PDE4B: variants seen among roughly 807,000 people sequenced by gnomAD.
The protein encoded by PDE4B is phosphodiesterase 4B, also known as 3',5'-cyclic-AMP phosphodiesterase 4B.
In PDE4B, 20 loss-of-function variants were observed where a neutral mutation model predicts 82.2. The ratio of observed to expected loss-of-function variants is 0.24; its 90% confidence interval spans 0.17 to 0.35. The LOEUF is 0.35. Ranked by LOEUF, PDE4B falls within the 10% of genes least tolerant of loss-of-function variation. The pLI is 1.00. For missense variants in PDE4B, 655 were observed against 907.2 expected (o/e 0.72, Z 3.57); for synonymous variants, 320 against 318.9 (o/e 1.00, Z -0.04).
At chr1:65,879,500 G>A (rs1331232781) in intron 1 of PDE4B, among the ~76,000 whole-genome samples, 3 of 152,230 alleles carry the variant, frequency 2.0e-5, no homozygotes, top group Middle Eastern at 3.4e-3. Context: ...TGTATAAAAT[G>A]TATTATAGAA....
At chr1:66,175,565 T>C (rs1476589830) in intron 3 of PDE4B, among the ~76,000 whole-genome samples, 3 of 152,200 alleles carry the variant, frequency 2.0e-5, no homozygotes, top group Non-Finnish European at 4.4e-5. Context: ...TCAACAACTT[T>C]TTTATTTATA....
At chr1:65,913,596 A>G (rs568144986) in intron 2 of PDE4B, among the ~76,000 whole-genome samples, 1 of 152,186 alleles carries the variant, frequency 6.6e-6, no homozygotes, top group Non-Finnish European at 1.5e-5. Flanking sequence ...TCACAGAACC[A>G]CCAATCTCTA....
chr1:65,994,406 T>G (rs1315567448), intron 3 of PDE4B, among the ~76,000 whole-genome samples: 1 of 152,186 alleles, frequency 6.6e-6, no homozygotes, highest in African/African-American at 2.4e-5. Context: ...GCAGATTTTC[T>G]TTGGTCATCT....
intron 7 of PDE4B, among the ~76,000 whole-genome samples, chr1:66,299,438 G>A (rs1314695513): frequency 6.6e-6 from 1 of 152,062 alleles, no homozygotes; most frequent in African/African-American, 2.4e-5. Context: ...ATTATTATAT[G>A]CCATATTTCC....
intron 3 of PDE4B, among the ~76,000 whole-genome samples, chr1:66,020,737 C>T (rs1653054151): frequency 6.6e-6 from 1 of 152,136 alleles, no homozygotes; most frequent in South Asian, 2.1e-4. Flanking sequence ...TGGGTTGGTT[C>T]CAAGTCTTTG....
chr1:65,893,296 CAG>C (rs1646872364), intron 1 of PDE4B, among the ~76,000 whole-genome samples: 1 of 151,854 alleles, frequency 6.6e-6, no homozygotes, highest in South Asian at 2.1e-4. Flanking sequence ...TAAGAAAAAA[CAG>C]AGTTGGTGAG....
At chr1:65,815,787 C>G (rs958800609) in intron 1 of PDE4B, among the ~76,000 whole-genome samples, 2 of 152,108 alleles carry the variant, frequency 1.3e-5, no homozygotes, top group African/African-American at 2.4e-5. Context: ...CAATCCTACT[C>G]TCTTCAAAGA....
intron 3 of PDE4B, among the ~76,000 whole-genome samples, chr1:66,136,454 G>C (rs1462312219): frequency 3.3e-5 from 5 of 152,084 alleles, no homozygotes; most frequent in African/African-American, 1.2e-4. Flanking sequence ...TGTAATCCCA[G>C]TACTTTGTAC....
intron 3 of PDE4B, among the ~76,000 whole-genome samples, chr1:66,072,897 G>A (rs1191779241): frequency 1.3e-5 from 2 of 151,968 alleles, no homozygotes; most frequent in African/African-American, 4.8e-5. Context: ...CACCCCTAAT[G>A]CACATCTGTG....
chr1:66,308,299 A>G (rs1205811089), intron 7 of PDE4B, among the ~76,000 whole-genome samples: 1 of 152,194 alleles, frequency 6.6e-6, no homozygotes. Context: ...TATAGATGTC[A>G]AGGTGCAAGG....
chr1:66,000,037 GC>G (rs1324029486), intron 3 of PDE4B, among the ~76,000 whole-genome samples: 1 of 152,170 alleles, frequency 6.6e-6, no homozygotes, highest in African/African-American at 2.4e-5. Context: ...TCTCACTAGA[GC>G]CTAAATGCTT....
chr1:66,189,002 C>T (rs1033127221), intron 3 of PDE4B, among the ~76,000 whole-genome samples: 4 of 152,110 alleles, frequency 2.6e-5, no homozygotes, highest in Admixed American at 2.6e-4. Flanking sequence ...TTAGTGCTTC[C>T]TTCAGGAGCT....
At chr1:65,916,000 G>A (rs1302581088) in intron 2 of PDE4B, among the ~76,000 whole-genome samples, 1 of 152,120 alleles carries the variant, frequency 6.6e-6, no homozygotes, top group Non-Finnish European at 1.5e-5. Context: ...ATCAGTAATT[G>A]AGAATTGACT....
At chr1:66,057,676 G>T (rs1329551133) in intron 3 of PDE4B, among the ~76,000 whole-genome samples, 2 of 152,124 alleles carry the variant, frequency 1.3e-5, no homozygotes, top group Non-Finnish European at 2.9e-5. Flanking sequence ...CTTGTGCAGG[G>T]AAACTCCCAT....
At chr1:65,914,502 A>T (rs1569661604) in intron 2 of PDE4B, among the ~76,000 whole-genome samples, 1 of 143,790 alleles carries the variant, frequency 7.0e-6, no homozygotes. Context: ...TCTCTCCTGG[A>T]CCAGAAGGGC....
chr1:65,982,379 A>G (rs999210580), intron 3 of PDE4B, among the ~76,000 whole-genome samples: 7 of 152,316 alleles, frequency 4.6e-5, no homozygotes, highest in East Asian at 1.9e-4. Flanking sequence ...GACAGACTAC[A>G]TTGAAGAAGG....
chr1:66,227,413 A>C (rs1282542833), intron 3 of PDE4B, among the ~76,000 whole-genome samples: 3 of 152,244 alleles, frequency 2.0e-5, no homozygotes, highest in Admixed American at 6.5e-5. Context: ...TCAGGTTAAA[A>C]TATTATGTAC....
intron 3 of PDE4B, among the ~76,000 whole-genome samples, chr1:66,029,875 T>C (rs1364424929): frequency 6.6e-6 from 1 of 152,174 alleles, no homozygotes; most frequent in African/African-American, 2.4e-5. Flanking sequence ...CAATAAATGA[T>C]CTTTGCTAGA....
intron 1 of PDE4B, among the ~76,000 whole-genome samples, chr1:65,898,441 T>C (rs1019608888): frequency 2.0e-5 from 3 of 152,100 alleles, no homozygotes; most frequent in African/African-American, 7.2e-5. Flanking sequence ...CCACCATCAT[T>C]CTTCACAGCA....
Sources: gnomAD v4.1 joint callset for allele counts (sites outside exome capture counted in the v4.1 genomes callset) on GRCh38, gnomAD v4.1.1 for gene constraint, MANE v1.5 for transcripts, NCBI Gene and HGNC (gene_info 2026-07-23, HGNC 2026-07-21) for gene names.